SUSD2: variants seen among roughly 807,000 people sequenced by gnomAD.
SUSD2 encodes sushi domain containing 2, also known as sushi domain-containing protein 2.
A neutral mutation model predicts 93.8 loss-of-function variants in SUSD2; 86 were observed. The ratio of observed to expected loss-of-function variants is 0.92; its 90% CI spans 0.77 to 1.10. The LOEUF is 1.10. SUSD2 is among the 50% of genes least tolerant of loss of function. The pLI is 0.00. For missense variants in SUSD2, 1,060 were observed against 1,137.0 expected, an observed-to-expected ratio of 0.93 and a Z score of 0.97; for synonymous variants, 483 against 485.0, an observed-to-expected ratio of 1.00 and a Z score of 0.05.
chr22:24,187,488 G>A (rs200080275), intron 11 of SUSD2, 38 bp downstream of exon 11: 1 of 1,607,212 alleles, frequency 6.2e-7, no homozygotes, highest in Non-Finnish European at 8.5e-7. Flanking sequence ...GACGGGGTGG[G>A]GGTTACTGGA....
In SUSD2 at chr22:24,185,530, C is replaced by T. The variant is rs202163825; in HGVS notation, c.1029C>T (p.Tyr343=). Residue 343 remains tyrosine, a synonymous_variant, in exon 7 of 15, where the codon TAC becomes TAT. Transcript: ENST00000358321. ...TGGAGCAGGGCAGCGTGTGCACCTA[C>T]CACCCCGGGGCCGTGCACTGTGTGC... The part of the protein sequence containing the change: ...CDMEQGSVCT[Y]HPGAVHCVRS... The T allele has an allele frequency of 5.1e-6, 8 of 1,581,606 alleles. No individual in the cohort carries two copies. The East Asian group carries it at 1.2e-4, about 23-fold the overall frequency.
At chr22:24,182,913 C>A in intron 1 of SUSD2, 144 bp from the exon 2 acceptor site, 1 of 645,690 alleles carries the variant, frequency 1.5e-6, no homozygotes, top group Non-Finnish European at 2.7e-6. Context: ...CTGTGTCCAC[C>A]TGGTGGCCTG....
In SUSD2 at chr22:24,187,836, G is replaced by T; in HGVS notation, c.2157G>T (p.Leu719=). ...TGCACCAGCGTCGCATGCAGAGCCT[G>T]CAGCCAGGTGAGGGCGGGCAGGTGG... ...HQLHQRRMQS[L]QPVVSCGWLA... Residue 719 remains leucine (L), a synonymous_variant, in exon 12 of 15, where the codon CTG becomes CTT. Coordinates refer to ENST00000358321, the MANE Select transcript of SUSD2 (RefSeq NM_019601.4). The T allele has an allele frequency of 6.2e-7, 1 of 1,607,994 alleles. No homozygotes were observed. Among genetic ancestry groups the T allele is most frequent in the East Asian group, 2.2e-5 (1 of 44,788 alleles).
chr22:24,184,835 A>C lies in SUSD2; in HGVS notation c.677A>C (p.Asn226Thr). 6.2e-7 allele frequency: 1 copy of C among 1,613,756 alleles called. No homozygotes were observed. Among genetic ancestry groups the C allele is most frequent in the Non-Finnish European group, 8.5e-7 (1 of 1,179,922 alleles). Residue 226 changes from asparagine (N) to threonine (T), a missense_variant, in exon 5 of 15, where the codon AAC becomes ACC. Physicochemically the swap from Asn to Thr is moderately conservative, Grantham distance 65. This residue lies in a region of SUSD2 where 973 missense variants were observed against 1,005.3 expected (regional missense o/e 0.97). Coordinates refer to ENST00000358321, the MANE Select transcript of SUSD2 (RefSeq NM_019601.4). ...TACCCCCTGGCCACACACATCCCCA[A>C]CTCCGGCTCTTTCACTTTCACCCCA... ...YLYPLATHIP[N>T]SGSFTFTPKP... is the part of the protein sequence containing the mutation.
chr22:24,184,521 G>A (rs927318636), intron 4 of SUSD2, among the ~76,000 whole-genome samples: 2 of 152,094 alleles, frequency 1.3e-5, no homozygotes, highest in African/African-American at 4.8e-5. Flanking sequence ...GGCTCCAGGG[G>A]AGGAGGCTCA....
chr22:24,183,659 C>T lies in SUSD2; in HGVS notation c.439+13C>T, dbSNP rs768595840. On this transcript the variant is annotated intron_variant, in intron 3 of 14. Transcript: ENST00000358321. ...ACCTGGCTGGCTGGTGAGCCCTCCT[C>T]CCTGCCCACAGCCTGCCCCCACGGG... 1.9e-6 allele frequency: 3 copies of T among 1,607,882 alleles called. No homozygotes were observed. The highest frequency in any genetic ancestry group is 8.5e-7 in the Non-Finnish European group (1 of 1,179,342).
rs2047353326 is a variant in SUSD2, at chr22:24,185,164, C to G, written c.853C>G (p.Pro285Ala). 6.2e-7 allele frequency: 1 copy of G among 1,612,608 alleles called. No homozygotes were observed. Among genetic ancestry groups the G allele is most frequent in the Non-Finnish European group, 8.5e-7 (1 of 1,179,808 alleles). The change falls in exon 6 of 15, where the codon CCT becomes GCT. Residue 285 changes from proline (P) to alanine (A), a missense_variant. Coordinates refer to ENST00000358321, the MANE Select transcript of SUSD2 (RefSeq NM_019601.4). ...CCTGAGCGATGACTTCCGAGAGGAC[C>G]CTGTGGCCTGGGCACGAACTCAGTG... is the stretch of plus-strand genomic sequence containing the variant. ...WHLSDDFRED[P>A]VAWARTQCQA...
intron 4 of SUSD2, 41 bp from the exon 5 acceptor site, chr22:24,184,725 T>A: frequency 6.6e-7 from 1 of 1,519,286 alleles, no homozygotes. Flanking sequence ...GGGCCAGGCC[T>A]CGAAGGAACC....
chr22:24,183,262 C>T lies in SUSD2; in HGVS notation c.282C>T (p.Ile94=). The T allele has an allele frequency of 6.2e-7, 1 of 1,611,872 alleles. No homozygotes were observed. Among genetic ancestry groups the T allele is most frequent in the Non-Finnish European group, 8.5e-7 (1 of 1,178,850 alleles). Residue 94 remains isoleucine (I), a synonymous_variant, in exon 2 of 15, where the codon ATC becomes ATT. Coordinates refer to ENST00000358321, the MANE Select transcript of SUSD2 (RefSeq NM_019601.4). ...KMSSPTDASV[I]CRFKDSIQTL... ...CCAGCCCCACAGACGCCAGTGTGAT[C>T]TGCAGGTTGGGAGGCCCAGGAGGCC...
In SUSD2 at chr22:24,184,210, G is replaced by A. The variant is rs776858506; in HGVS notation, c.514G>A (p.Ala172Thr). 44 of 1,613,500 alleles carry A rather than the reference G, an allele frequency of 2.7e-5. No individual in the cohort carries two copies. The highest frequency in any genetic ancestry group is 6.6e-5 in the South Asian group (6 of 91,068). The change falls in exon 4 of 15, where the codon GCC (alanine) becomes ACC (threonine). Residue 172 changes from alanine (A) to threonine (T), a missense_variant. Physicochemically the swap from Ala to Thr is moderately conservative, Grantham distance 58. Coordinates refer to ENST00000358321, the MANE Select transcript of SUSD2 (RefSeq NM_019601.4). ...NETRWQYYGT[A>T]NTSGNLSLTW... is the part of the protein sequence containing the mutation. The stretch of plus-strand genomic sequence containing the variant: ...GACGCGTTGGCAATACTACGGCACC[G>A]CCAACACCTCAGGCAACCTCAGCCT...
rs764263480 is a variant in SUSD2 at position 24,185,917 on chromosome 22, C to T, written c.1327C>T (p.Pro443Ser). Residue 443 changes from proline (P) to serine (S), a missense_variant, in exon 8 of 15, where the codon CCC becomes TCC. This residue lies in a region of SUSD2 where 973 missense variants were observed against 1,005.3 expected (regional missense o/e 0.97). Transcript: ENST00000358321. ...CTCCAATGACTGCCGCAACTACCGG[C>T]CCCCAAGACTGGGTGGGTGCCATCC... ...RPSNDCRNYRPPRLASAFGDP... is the reference protein window; with the variant it reads ...RPSNDCRNYRSPRLASAFGDP... 3.6e-5 allele frequency: 57 copies of T among 1,569,584 alleles called. No homozygotes were observed. The highest frequency in any genetic ancestry group is 4.5e-5 in the Non-Finnish European group (52 of 1,154,060).
In SUSD2 at chr22:24,185,896, A is replaced by G. The variant is rs1292681617; in HGVS notation, c.1306A>G (p.Asn436Asp). The change falls in exon 8 of 15, where the codon AAT becomes GAT. Residue 436 changes from asparagine (N) to aspartate (D), a missense_variant. Physicochemically the swap from Asn to Asp is conservative, Grantham distance 23. Around this residue, in one of 2 missense-constraint regions of SUSD2, gnomAD observed 973 missense variants for 1,005.3 expected, o/e 0.97. Coordinates refer to ENST00000358321, the MANE Select transcript of SUSD2 (RefSeq NM_019601.4). ...CPRYMQRRPS[N>D]DCRNYRPPRL... ...CCGCTACATGCAACGGCGGCCCTCC[A>G]ATGACTGCCGCAACTACCGGCCCCC... 5 of 1,578,766 alleles carry G rather than the reference A, an allele frequency of 3.2e-6. No individual in the cohort carries two copies. The South Asian group carries it at 3.4e-5, about 11-fold the overall frequency.
chr22:24,188,438 G>A lies in SUSD2; in HGVS notation c.*2G>A. 3.2e-5 allele frequency: 51 copies of A among 1,609,964 alleles called. No individual in the cohort carries two copies. Among genetic ancestry groups the A allele is most frequent in the Non-Finnish European group, 4.3e-5 (51 of 1,179,616 alleles). Reference sequence around the variant, plus strand: ...CACGTCTGGGGTGCACAGCCCTGATGGGAGCAGCTTGGCTGTGAGCACCAG... The same window carrying A: ...CACGTCTGGGGTGCACAGCCCTGATAGGAGCAGCTTGGCTGTGAGCACCAG... On this transcript the variant is annotated 3_prime_UTR_variant, in exon 15 of 15. Transcript: ENST00000358321. This position sits in a 1 kb window ranked among gnomAD's most constrained non-coding sequence, Gnocchi z 4.7.
chr22:24,187,588 T>G lies in SUSD2; in HGVS notation c.1909T>G (p.Ser637Ala). The G allele has an allele frequency of 6.2e-7, 1 of 1,612,794 alleles. No homozygotes were observed. Among genetic ancestry groups the G allele is most frequent in the Non-Finnish European group, 8.5e-7 (1 of 1,179,216 alleles). Reference protein sequence around the residue: ...FGANWTVHNASSLLTYDSWFL... With the variant: ...FGANWTVHNAASLLTYDSWFL... ...TCTTCCAGGGACCGTGCACAATGCG[T>G]CCTCCCTGCTCACCTACGATTCCTG... Residue 637 changes from serine (S) to alanine (A), a missense_variant, in exon 12 of 15, where the codon TCC becomes GCC. Ser to Ala is a moderately conservative substitution (Grantham distance 99). Transcript: ENST00000358321.
chr22:24,186,914 C>T, intron 10 of SUSD2: 1 of 529,272 alleles, frequency 1.9e-6, no homozygotes, highest in South Asian at 2.2e-5. Context: ...GGGACGTGCC[C>T]AGGCAGGTGT....
At chr22:24,187,522 G>A in intron 11 of SUSD2, 49 bp from the exon 12 acceptor site, 1 of 1,602,984 alleles carries the variant, frequency 6.2e-7, no homozygotes, top group Non-Finnish European at 8.5e-7. Context: ...CAGGGCTTGG[G>A]GACCAAAGGG....
Position 24,187,114 on chromosome 22 carries a change from C to T in SUSD2, c.1643-88C>T, listed in dbSNP as rs2047371775. 3.9e-6 allele frequency: 6 copies of T among 1,529,116 alleles called. No individual in the cohort carries two copies. The South Asian group carries it at 6.1e-5, about 16-fold the overall frequency. The allele number at this position is 1,529,116 out of a possible 1,614,324, so 94.7% of individuals were successfully genotyped here. ...CCTGCAGGTGCCCTCACCCACAGCC[C>T]CTGGGTGCCGACCACCCTGTCCTGG... is the stretch of plus-strand genomic sequence containing the variant. On this transcript the variant is annotated intron_variant, in intron 10 of 14. Coordinates refer to ENST00000358321, the MANE Select transcript of SUSD2 (RefSeq NM_019601.4).
In SUSD2 at chr22:24,185,574, G is replaced by A. The variant is rs754722477; in HGVS notation, c.1070+3G>A. On this transcript the variant is annotated splice_donor_region_variant and intron_variant, in intron 7 of 14. Transcript: ENST00000358321. ...TGTGTGCGTTCTGTGCAGGCCAGGT[G>A]AGCCCCCAGGCTGGGGCCGGTATGG... 6.3e-7 allele frequency: 1 copy of A among 1,593,060 alleles called. No homozygotes were observed. Among genetic ancestry groups the A allele is most frequent in the Admixed American group, 1.8e-5 (1 of 56,770 alleles).
chr22:24,187,580 A>G lies in SUSD2; in HGVS notation c.1901A>G (p.His634Arg), dbSNP rs749438676. Reference protein sequence around the residue: ...LFLFGANWTVHNASSLLTYDS... With the variant: ...LFLFGANWTVRNASSLLTYDS... Reference sequence around the variant, plus strand: ...GTCATGTATCTTCCAGGGACCGTGCACAATGCGTCCTCCCTGCTCACCTAC... The same window carrying G: ...GTCATGTATCTTCCAGGGACCGTGCGCAATGCGTCCTCCCTGCTCACCTAC... Residue 634 changes from histidine to arginine, a missense_variant, in exon 12 of 15, where the codon CAC becomes CGC. By Grantham distance (29) the His-to-Arg change is conservative. This residue lies in a region of SUSD2 where 973 missense variants were observed against 1,005.3 expected (regional missense o/e 0.97). Transcript: ENST00000358321. 10 of 1,612,078 alleles carry G rather than the reference A, an allele frequency of 6.2e-6. No individual in the cohort carries two copies. Among genetic ancestry groups the G allele is most frequent in the Non-Finnish European group, 8.5e-6 (10 of 1,178,634 alleles).
Sources: allele counts gnomAD v4.1 joint callset (sites outside exome capture counted in the v4.1 genomes callset), GRCh38; gene constraint gnomAD v4.1.1; regional missense constraint gnomAD v4.1.1; non-coding constraint Gnocchi (gnomAD v3.1); transcripts MANE v1.5; gene names NCBI Gene and HGNC (gene_info 2026-07-23, HGNC 2026-07-21).